The following ADAMTS17 variants were observed in gnomAD, a reference collection of about 807,000 sequenced individuals.
The protein encoded by ADAMTS17 is ADAM metallopeptidase with thrombospondin type 1 motif 17.
A neutral mutation model predicts 141.5 loss-of-function variants in ADAMTS17; 113 were observed. That is an observed-to-expected ratio of 0.80 (90% confidence interval 0.69 to 0.93). The LOEUF (loss-of-function observed/expected upper bound fraction) is 0.93, where lower values mean the gene tolerates loss of function less well. Among genes scored for constraint, ADAMTS17 ranks in the 40% least tolerant of loss-of-function variants. The pLI, the probability that ADAMTS17 is intolerant of heterozygous loss-of-function variation, is 0.00. For synonymous variants in ADAMTS17, 768 were observed against 630.6 expected, an observed-to-expected ratio of 1.22 and a Z score of -3.27; for missense variants, 1,659 against 1,517.9, an observed-to-expected ratio of 1.09 and a Z score of -1.54.
chr15:100,315,766 A>C (rs774705805), intron 3 of ADAMTS17, among the ~76,000 whole-genome samples: 1 of 152,214 alleles, frequency 6.6e-6, no homozygotes, highest in African/African-American at 2.4e-5. Flanking sequence ...TGAAAGCTTA[A>C]AAGTATACAG....
chr15:100,251,034 C>T (rs769454810), intron 7 of ADAMTS17, among the ~76,000 whole-genome samples: 1 of 151,928 alleles, frequency 6.6e-6, no homozygotes, highest in Non-Finnish European at 1.5e-5. Context: ...AAATATGACA[C>T]GTTAAGAGAA....
At chr15:100,039,200 T>C (rs953923723) in intron 18 of ADAMTS17, among the ~76,000 whole-genome samples, 42 of 152,364 alleles carry the variant, frequency 2.8e-4, no homozygotes, top group African/African-American at 8.9e-4. Context: ...TAGTTAACTT[T>C]TGGTTTATTA....
chr15:100,149,862 G>A (rs112741383), intron 10 of ADAMTS17, among the ~76,000 whole-genome samples: 8 of 152,052 alleles, frequency 5.3e-5, no homozygotes, highest in African/African-American at 1.2e-4. Flanking sequence ...TCTAACAATC[G>A]TGACATTTTC....
At chr15:99,988,049 C>G (rs75650747) in intron 20 of ADAMTS17, among the ~76,000 whole-genome samples, 1,890 of 152,208 alleles carry the variant, frequency 0.012, 19 homozygotes, top group Non-Finnish European at 0.02. Flanking sequence ...GCCTCAGGCT[C>G]AGGCTCTGGC....
rs115648270 is a variant in ADAMTS17 at position 100,270,851 on chromosome 15, C to A, written c.790-8416G>T. Among the ~76,000 whole-genome samples, 1,138 of 144,222 alleles carry A rather than the reference C, an allele frequency of 7.9e-3. 25 individuals are homozygous for A. The highest frequency in any genetic ancestry group is 0.028 in the African/African-American group (1,081 of 39,012). 94.6% of individuals were successfully genotyped at this position (144,222 alleles called of 152,430 possible). On this transcript the variant is annotated intron_variant, in intron 4 of 21. Transcript: ENST00000268070. ...GTTATACACTAACACTACTACCTAT[C>A]CCCAAAACTTTCTTCATCTTGTAAA...
chr15:100,158,493 G>C (rs947322072), intron 8 of ADAMTS17, among the ~76,000 whole-genome samples: 1 of 152,082 alleles, frequency 6.6e-6, no homozygotes, highest in Non-Finnish European at 1.5e-5. Flanking sequence ...AAGTTTTTAA[G>C]CTTACAATAC....
At chr15:99,977,978 GCTA>G (rs977324354) in intron 20 of ADAMTS17, among the ~76,000 whole-genome samples, 4 of 152,208 alleles carry the variant, frequency 2.6e-5, no homozygotes, top group Non-Finnish European at 4.4e-5. Context: ...CCGAGCTGGA[GCTA>G]GGAATGGCAC....
At chr15:100,334,205 C>T (rs2046138704) in intron 2 of ADAMTS17, among the ~76,000 whole-genome samples, 1 of 152,174 alleles carries the variant, frequency 6.6e-6, no homozygotes, top group Non-Finnish European at 1.5e-5. Context: ...GTGTGAAAGA[C>T]ATAGAGGTTT....
intron 15 of ADAMTS17, among the ~76,000 whole-genome samples, chr15:100,082,201 G>C (rs182245060): frequency 2.1e-4 from 32 of 152,212 alleles, no homozygotes; most frequent in African/African-American, 7.7e-4. Context: ...GAGTAGCTGG[G>C]ACTACAGGCA....
intron 1 of ADAMTS17, 87 bp from the exon 2 acceptor site, chr15:100,341,496 GA>G: frequency 1.0e-6 from 1 of 997,692 alleles, no homozygotes; most frequent in South Asian, 4.7e-5. Flanking sequence ...CCAGCGCGGG[GA>G]CAGCGCGACC....
intron 8 of ADAMTS17, among the ~76,000 whole-genome samples, chr15:100,184,862 G>T (rs2040652193): frequency 6.6e-6 from 1 of 152,092 alleles, no homozygotes; most frequent in African/African-American, 2.4e-5. Context: ...GTATGATAGG[G>T]TCCTGTCCCA....
chr15:100,087,074 A>T (rs887747365), intron 15 of ADAMTS17, among the ~76,000 whole-genome samples: 2 of 152,190 alleles, frequency 1.3e-5, no homozygotes, highest in African/African-American at 4.8e-5. Flanking sequence ...GAAAAGATCA[A>T]CAAATTGATA....
intron 12 of ADAMTS17, among the ~76,000 whole-genome samples, chr15:100,121,261 A>C (rs1436660924): frequency 2.0e-5 from 3 of 152,232 alleles, no homozygotes; most frequent in African/African-American, 7.2e-5. Flanking sequence ...CTCAGGAGAA[A>C]AAAGAGAGAA....
chr15:99,974,249 G>T lies in ADAMTS17; in HGVS notation c.*153C>A. On this transcript the variant is annotated 3_prime_UTR_variant, in exon 22 of 22. Transcript: ENST00000268070. ...TGTTAACAATATATTAAGTACGGAA[G>T]CACTAATGGCAAACGCCAAGTCCAC... 1.1e-6 allele frequency: 1 copy of T among 909,708 alleles called. No homozygotes were observed. The highest frequency in any genetic ancestry group is 1.7e-6 in the Non-Finnish European group (1 of 577,992). 56.4% of individuals were successfully genotyped at this position (909,708 alleles called of 1,614,324 possible).
At chr15:100,277,378 A>C (rs2044134575) in intron 4 of ADAMTS17, among the ~76,000 whole-genome samples, 1 of 151,992 alleles carries the variant, frequency 6.6e-6, no homozygotes, top group African/African-American at 2.4e-5. Context: ...TACCAACCCC[A>C]TTCCCTTCCC....
intron 10 of ADAMTS17, among the ~76,000 whole-genome samples, chr15:100,133,660 C>T (rs552303395): frequency 1.3e-5 from 2 of 152,260 alleles, no homozygotes; most frequent in East Asian, 3.9e-4. Flanking sequence ...AGACATCTTC[C>T]ATTTACAGCA....
At chr15:100,254,245 G>T in intron 6 of ADAMTS17, 66 bp from the exon 7 acceptor site, 2 of 1,426,318 alleles carry the variant, frequency 1.4e-6, no homozygotes, top group Non-Finnish European at 2.0e-6. Flanking sequence ...AGAAAACACT[G>T]TGAATTAACC....
At chr15:100,093,243 T>G (rs1186979329) in intron 15 of ADAMTS17, among the ~76,000 whole-genome samples, 1 of 152,120 alleles carries the variant, frequency 6.6e-6, no homozygotes, top group Non-Finnish European at 1.5e-5. Context: ...GCTGGACACT[T>G]CGCCACGTGT....
intron 18 of ADAMTS17, among the ~76,000 whole-genome samples, chr15:100,042,306 C>T (rs369729091): frequency 1.2e-4 from 19 of 152,034 alleles, no homozygotes; most frequent in East Asian, 7.7e-4. Flanking sequence ...TTTTGTTGTC[C>T]AAATATTTGT....
Sources: allele counts gnomAD v4.1 joint callset (sites outside exome capture counted in the v4.1 genomes callset), GRCh38; gene constraint gnomAD v4.1.1; transcripts MANE v1.5; gene names NCBI Gene and HGNC (gene_info 2026-07-23, HGNC 2026-07-21).